TENM3: variants seen among roughly 807,000 people sequenced by gnomAD.
The protein encoded by TENM3 is teneurin-3.
In TENM3, 63 loss-of-function variants were observed where a neutral mutation model predicts 255.1. The observed-to-expected ratio is 0.25, with a 90% confidence interval of 0.20 to 0.30. The LOEUF is 0.30. Ranked by LOEUF, TENM3 falls within the 10% of genes least tolerant of loss-of-function variation. The pLI is 1.00. For missense variants in TENM3, 2,929 were observed against 3,461.1 expected, an observed-to-expected ratio of 0.85 and a Z score of 3.86; for synonymous variants, 1,306 against 1,322.3, an observed-to-expected ratio of 0.99 and a Z score of 0.27.
the TENM3 span, among the ~76,000 whole-genome samples, chr4:182,068,521 A>T: frequency 6.6e-6 from 1 of 152,176 alleles, no homozygotes. Context: ...TTTTCATTAT[A>T]GCAATTAAAC....
chr4:181,706,827 C>A, the TENM3 span, among the ~76,000 whole-genome samples: 6 of 152,160 alleles, frequency 3.9e-5, no homozygotes, highest in Non-Finnish European at 5.9e-5. Flanking sequence ...GGATTTTCTC[C>A]ATCGCGGGGC....
At chr4:181,534,424 T>TA in the TENM3 span, among the ~76,000 whole-genome samples, 15 of 152,120 alleles carry the variant, frequency 9.9e-5, no homozygotes, top group Admixed American at 2.0e-4. Flanking sequence ...CCTTTGGTGG[T>TA]CATGTTGTCT....
the TENM3 span, among the ~76,000 whole-genome samples, chr4:181,497,087 C>A: frequency 6.6e-6 from 1 of 152,090 alleles, no homozygotes; most frequent in Non-Finnish European, 1.5e-5. Flanking sequence ...AAGTAGCTCA[C>A]GACTTTTTCT....
intron 3 of TENM3, among the ~76,000 whole-genome samples, chr4:182,518,795 T>C (rs1738265352): frequency 1.3e-5 from 2 of 152,220 alleles, no homozygotes; most frequent in South Asian, 4.1e-4. Flanking sequence ...TCTAACTGGC[T>C]AAGATTAAAT....
At chr4:182,087,922 T>C in the TENM3 span, among the ~76,000 whole-genome samples, 1 of 152,206 alleles carries the variant, frequency 6.6e-6, no homozygotes, top group African/African-American at 2.4e-5. Context: ...CATTCATCTT[T>C]GTAACCCTTA....
intron 1 of TENM3, among the ~76,000 whole-genome samples, chr4:182,198,911 G>A (rs1012543461): frequency 6.6e-6 from 1 of 152,168 alleles, no homozygotes; most frequent in Non-Finnish European, 1.5e-5. Context: ...TCCCATAGAA[G>A]AAGACAAAGT....
At chr4:181,931,984 A>G in the TENM3 span, among the ~76,000 whole-genome samples, 1 of 152,172 alleles carries the variant, frequency 6.6e-6, no homozygotes, top group South Asian at 2.1e-4. Context: ...CTGAAACTGG[A>G]CCCCTTCCTT....
chr4:181,880,400 T>C, the TENM3 span, among the ~76,000 whole-genome samples: 3 of 152,170 alleles, frequency 2.0e-5, no homozygotes, highest in Admixed American at 1.3e-4. Flanking sequence ...AAATGTTAAT[T>C]AACAAATAAA....
chr4:182,165,622 C>G (rs1751652733), intron 1 of TENM3, among the ~76,000 whole-genome samples: 1 of 152,186 alleles, frequency 6.6e-6, no homozygotes, highest in South Asian at 2.1e-4. Context: ...CCATCAGGAA[C>G]TCTGGGACTT....
intron 24 of TENM3, among the ~76,000 whole-genome samples, chr4:182,782,784 G>A: frequency 9.0e-6 from 1 of 111,050 alleles, no homozygotes; most frequent in African/African-American, 3.5e-5. Flanking sequence ...TCTTCTTGTT[G>A]AATTGATCCC....
chr4:182,254,920 A>G (rs1758280569), intron 1 of TENM3, among the ~76,000 whole-genome samples: 1 of 152,176 alleles, frequency 6.6e-6, no homozygotes, highest in South Asian at 2.1e-4. Flanking sequence ...CCAGTGAGCT[A>G]AGCACTCTGG....
At chr4:181,832,237 G>A in the TENM3 span, among the ~76,000 whole-genome samples, 1 of 152,026 alleles carries the variant, frequency 6.6e-6, no homozygotes, top group East Asian at 1.9e-4. Flanking sequence ...TGCGTACAAG[G>A]CAGATTAAAA....
intron 3 of TENM3, among the ~76,000 whole-genome samples, chr4:182,402,746 C>G (rs891067539): frequency 6.6e-6 from 1 of 152,106 alleles, no homozygotes; most frequent in African/African-American, 2.4e-5. Context: ...AGAAATTATG[C>G]TAATGCATTT....
the TENM3 span, among the ~76,000 whole-genome samples, chr4:181,837,999 G>T: frequency 2.6e-5 from 4 of 152,058 alleles, no homozygotes; most frequent in Admixed American, 1.3e-4. Flanking sequence ...TTACCTGGGC[G>T]TTGTGGTGCA....
chr4:181,807,255 C>A, the TENM3 span, among the ~76,000 whole-genome samples: 1 of 152,250 alleles, frequency 6.6e-6, no homozygotes, highest in East Asian at 1.9e-4. Context: ...TGAACAATAG[C>A]GTATCTTCCA....
At chr4:181,945,902 C>G in the TENM3 span, among the ~76,000 whole-genome samples, 3 of 151,950 alleles carry the variant, frequency 2.0e-5, no homozygotes, top group African/African-American at 7.3e-5. Flanking sequence ...CACACCCACA[C>G]AGTCTGGAGA....
At chr4:182,142,261 C>T (rs1749497321), upstream of TENM3, 1 of 152,194 alleles carries the variant, frequency 6.6e-6, no homozygotes, top group Admixed American at 6.5e-5. Flanking sequence ...AGATTCTTCC[C>T]GCAAAGATAT....
At chr4:182,200,826 C>CTT (rs11389090) in intron 1 of TENM3, among the ~76,000 whole-genome samples, 2,880 of 135,320 alleles carry the variant, frequency 0.021, 111 homozygotes, top group African/African-American at 0.067. Context: ...ACTAGAGTGC[C>CTT]TTTTTTTTTT....
chr4:182,475,252 A>G (rs1733563141), intron 3 of TENM3, among the ~76,000 whole-genome samples: 2 of 152,206 alleles, frequency 1.3e-5, no homozygotes, highest in Admixed American at 6.5e-5. Flanking sequence ...CCTATGCCTA[A>G]GTTGCCGTCT....
Sources: allele counts gnomAD v4.1 joint callset (sites outside exome capture counted in the v4.1 genomes callset), GRCh38; gene constraint gnomAD v4.1.1; transcripts MANE v1.5; gene names NCBI Gene and HGNC (gene_info 2026-07-23, HGNC 2026-07-21).